TENT4B: variants seen among roughly 807,000 people sequenced by gnomAD.
TENT4B encodes terminal nucleotidyltransferase 4B, also known as PAP associated domain containing 5.
In TENT4B, 10 loss-of-function variants were observed where a neutral mutation model predicts 75.0. The observed-to-expected ratio is 0.13, with a 90% confidence interval of 0.08 to 0.23. TENT4B has a LOEUF of 0.23. Among genes scored for constraint, TENT4B ranks in the 10% least tolerant of loss-of-function variants. The pLI, the probability that TENT4B is intolerant of heterozygous loss-of-function variation, is 1.00. For missense variants in TENT4B, 579 were observed against 893.8 expected (o/e 0.65, Z 4.49); for synonymous variants, 350 against 357.7 (o/e 0.98, Z 0.24).
intron 10 of TENT4B, among the ~76,000 whole-genome samples, chr16:50,226,424 G>T (rs910319943): frequency 3.3e-5 from 5 of 151,690 alleles, no homozygotes; most frequent in Admixed American, 6.6e-5. Context: ...TGAATTTTTT[G>T]TTGTTGTTGT....
At chr16:50,182,641 G>A (rs561836930) in intron 1 of TENT4B, among the ~76,000 whole-genome samples, 1 of 152,138 alleles carries the variant, frequency 6.6e-6, no homozygotes, top group East Asian at 1.9e-4. Flanking sequence ...ATGTGAACAT[G>A]CCAAGGTTTA....
At chr16:50,161,223 A>T (rs945440341) in intron 1 of TENT4B, among the ~76,000 whole-genome samples, 1 of 152,206 alleles carries the variant, frequency 6.6e-6, no homozygotes, top group African/African-American at 2.4e-5. Flanking sequence ...GCTTTGAGTT[A>T]GACTTTCCTT....
At chr16:50,194,216 C>T (rs1304785334) in intron 1 of TENT4B, among the ~76,000 whole-genome samples, 8 of 139,798 alleles carry the variant, frequency 5.7e-5, no homozygotes, top group South Asian at 2.2e-4. Context: ...TCTTTTCTTT[C>T]TTTTTTTTTT....
At chr16:50,183,025 T>G (rs2038451303) in intron 1 of TENT4B, among the ~76,000 whole-genome samples, 1 of 147,208 alleles carries the variant, frequency 6.8e-6, no homozygotes, top group Non-Finnish European at 1.5e-5. Flanking sequence ...GGCTTTCTTG[T>G]ATTTTTTTTT....
At chr16:50,162,391 T>G (rs2038018433) in intron 1 of TENT4B, among the ~76,000 whole-genome samples, 3 of 152,216 alleles carry the variant, frequency 2.0e-5, no homozygotes, top group Admixed American at 2.0e-4. Context: ...GAACTATTTA[T>G]TTTCTAGAAT....
At chr16:50,194,512 G>A (rs1235179545) in intron 1 of TENT4B, among the ~76,000 whole-genome samples, 1 of 151,700 alleles carries the variant, frequency 6.6e-6, no homozygotes, top group Admixed American at 6.6e-5. Flanking sequence ...ACCATGCCTG[G>A]CCATTATTTC....
Position 50,230,099 on chromosome 16 carries a change from AATG to A in TENT4B, c.*775_*777del, listed in dbSNP as rs1401039687. On this transcript the variant is annotated 3_prime_UTR_variant, in exon 12 of 12. Coordinates refer to ENST00000561678, the MANE Select transcript of TENT4B (RefSeq NM_001365324.3). ...TCTAAAGAAAAGGTTTATGGTGGCA[AATG>A]ATGTTTATTTTATTTTGTAAAAAAA... The A allele has an allele frequency of 5.1e-6, 5 of 984,418 alleles. No individual in the cohort carries two copies. Among genetic ancestry groups the A allele is most frequent in the Non-Finnish European group, 6.0e-6 (5 of 829,312 alleles). 61.0% of individuals were successfully genotyped at this position (984,418 alleles called of 1,614,324 possible). A position where few individuals can be genotyped will look rare whatever the true frequency, so the allele number is the denominator to read the frequency against.
intron 1 of TENT4B, among the ~76,000 whole-genome samples, chr16:50,181,295 T>A (rs1237727447): frequency 6.6e-6 from 1 of 151,938 alleles, no homozygotes; most frequent in Non-Finnish European, 1.5e-5. Context: ...TTTATCAGTC[T>A]GATTCAAGCC....
chr16:50,210,531 CTT>C (rs2031225083), intron 1 of TENT4B, among the ~76,000 whole-genome samples: 1 of 152,252 alleles, frequency 6.6e-6, no homozygotes, highest in South Asian at 2.1e-4. Context: ...TGATTCATGA[CTT>C]TTCCCTGCAT....
At chr16:50,175,585 A>G (rs1402955581) in intron 1 of TENT4B, among the ~76,000 whole-genome samples, 3 of 151,982 alleles carry the variant, frequency 2.0e-5, no homozygotes, top group African/African-American at 7.2e-5. Context: ...CCCTGGTTCA[A>G]GGGATTCTCC....
At position 50,225,086 on chromosome 16, in the gene TENT4B, C is replaced by T; in HGVS notation, c.1613-12C>T. The T allele has an allele frequency of 2.5e-6, 4 of 1,608,822 alleles. No individual in the cohort carries two copies. Among genetic ancestry groups the T allele is most frequent in the Admixed American group, 1.7e-5 (1 of 59,388 alleles). ...GGAAGAAACGTTTTCCAATCTTTTG[C>T]CACTCTTTCAGGAAATGGTGTTACC... is the stretch of plus-strand genomic sequence containing the variant. On this transcript the variant is annotated splice_polypyrimidine_tract_variant and intron_variant, in intron 9 of 11. Coordinates refer to ENST00000561678, the MANE Select transcript of TENT4B (RefSeq NM_001365324.3).
At chr16:50,174,252 T>G (rs995575003) in intron 1 of TENT4B, among the ~76,000 whole-genome samples, 2 of 151,870 alleles carry the variant, frequency 1.3e-5, no homozygotes, top group Non-Finnish European at 2.9e-5. Context: ...CATGTGCCAC[T>G]GCACCTGGCT....
chr16:50,188,677 A>C (rs10521194), intron 1 of TENT4B, among the ~76,000 whole-genome samples: 8 of 152,252 alleles, frequency 5.3e-5, no homozygotes, highest in Non-Finnish European at 8.8e-5. Flanking sequence ...CTGCTTGTAC[A>C]TTTAATTTTT....
chr16:50,233,872 A>G lies in TENT4B; in HGVS notation c.*4544A>G. ...TCCTGGATTTACTGAGAGATATTTT[A>G]GCTATGTCAATAAGAACAGCTAATG... On this transcript the variant is annotated 3_prime_UTR_variant, in exon 12 of 12. Transcript: ENST00000561678. The G allele has an allele frequency of 1.0e-6, 1 of 985,432 alleles. No homozygotes were observed. Among genetic ancestry groups the G allele is most frequent in the South Asian group, 4.7e-5 (1 of 21,290 alleles). 61.0% of individuals were successfully genotyped at this position (985,432 alleles called of 1,614,324 possible). A position where few individuals can be genotyped will look rare whatever the true frequency, so the allele number is the denominator to read the frequency against.
rs2038223235 is a variant in TENT4B, at chr16:50,172,441, G to A, written c.638+18182G>A. Among the ~76,000 whole-genome samples the A allele has an allele frequency of 2.0e-5, 3 of 151,948 alleles. 1 individual carries two copies. The South Asian group carries it at 6.2e-4, about 31-fold the overall frequency. ...AGTATGCATAGTTCTTGGTAAACAA[G>A]GGGATTCCTGAAACCAATCCCCTGA... On this transcript the variant is annotated intron_variant, in intron 1 of 11. Transcript: ENST00000561678.
chr16:50,181,662 A>G (rs920428654), intron 1 of TENT4B, among the ~76,000 whole-genome samples: 1 of 152,000 alleles, frequency 6.6e-6, no homozygotes, highest in Admixed American at 6.6e-5. Flanking sequence ...ATGAACACAG[A>G]GGTTGTTTCC....
At chr16:50,195,624 T>G (rs2030181067) in intron 1 of TENT4B, among the ~76,000 whole-genome samples, 1 of 152,204 alleles carries the variant, frequency 6.6e-6, no homozygotes, top group Non-Finnish European at 1.5e-5. Context: ...GTACAGCATA[T>G]TTTTGTCATT....
At chr16:50,191,616 G>A (rs2038640539) in intron 1 of TENT4B, among the ~76,000 whole-genome samples, 1 of 151,272 alleles carries the variant, frequency 6.6e-6, no homozygotes, top group Non-Finnish European at 1.5e-5. Flanking sequence ...CTAACACCAA[G>A]CCTTTAAAAA....
At chr16:50,220,289 CT>C (rs2031767370) in intron 5 of TENT4B, among the ~76,000 whole-genome samples, 2 of 151,386 alleles carry the variant, frequency 1.3e-5, no homozygotes. Flanking sequence ...AGCCCGGCCA[CT>C]TTTTTATTTT....
Sources: allele counts gnomAD v4.1 joint callset (sites outside exome capture counted in the v4.1 genomes callset), GRCh38; gene constraint gnomAD v4.1.1; transcripts MANE v1.5; gene names NCBI Gene and HGNC (gene_info 2026-07-23, HGNC 2026-07-21).